Variants in NEIL1 observed in about 807,000 individuals in gnomAD.
NEIL1 encodes the protein endonuclease 8-like 1.
NEIL1 carries 31 observed loss-of-function variants against 44.2 expected under a neutral mutation model. That is an observed-to-expected ratio of 0.70 (90% confidence interval 0.53 to 0.95). NEIL1 has a LOEUF of 0.95. NEIL1 is among the 40% of genes least tolerant of loss of function. The pLI, the probability that NEIL1 is intolerant of heterozygous loss-of-function variation, is 0.00. For synonymous variants in NEIL1, 254 were observed against 209.7 expected (o/e 1.21, Z -1.83); for missense variants, 549 against 515.5 (o/e 1.07, Z -0.63).
chr15:75,348,974 C>A lies in NEIL1; in HGVS notation c.69C>A (p.Phe23Leu), dbSNP rs1567228836. 6.2e-7 allele frequency: 1 copy of A among 1,613,620 alleles called. No homozygotes were observed. Among genetic ancestry groups the A allele is most frequent in the Admixed American group, 1.7e-5 (1 of 60,036 alleles). ...ATGAGGCCTGCAGGGCGCTGGTGTTCGGCGGCTGCGTGGAGAAGTCCTCTG... is the reference window on the plus strand; with the variant it reads ...ATGAGGCCTGCAGGGCGCTGGTGTTAGGCGGCTGCGTGGAGAAGTCCTCTG... The part of the protein sequence containing the change: ...FVNEACRALV[F>L]GGCVEKSSVS... Residue 23 changes from phenylalanine to leucine, a missense_variant, in exon 2 of 10, where the codon TTC becomes TTA. Phe to Leu is a conservative substitution (Grantham distance 22). Coordinates refer to ENST00000355059, the MANE Select transcript of NEIL1 (RefSeq NM_024608.4).
intron 7 of NEIL1, 37 bp downstream of exon 7, chr15:75,354,314 A>T (rs2072175570): frequency 6.2e-7 from 1 of 1,613,600 alleles, no homozygotes; most frequent in South Asian, 1.1e-5. Flanking sequence ...AAGAGAGCAG[A>T]AAGGACTTCA....
Position 75,352,229 on chromosome 15 carries a change from C to G in NEIL1, c.553C>G (p.Arg185Gly). 2.5e-6 allele frequency: 4 copies of G among 1,614,250 alleles called. No individual in the cohort carries two copies. The highest frequency in any genetic ancestry group is 3.4e-6 in the Non-Finnish European group (4 of 1,180,046). Residue 185 changes from arginine (R) to glycine (G), a missense_variant and splice_region_variant, in exon 3 of 10, where the codon CGG becomes GGG. Transcript: ENST00000355059. ...GNYLRAEILY[R>G]LKIPPFEKAR... ...CTATCTGCGGGCAGAGATCCTGTACCGGTCAGCAAGCAGGCATGGGCATGG... is the reference window on the plus strand; with the variant it reads ...CTATCTGCGGGCAGAGATCCTGTACGGGTCAGCAAGCAGGCATGGGCATGG...
intron 5 of NEIL1, chr15:75,353,033 C>A: frequency 4.1e-6 from 1 of 244,044 alleles, no homozygotes; most frequent in Non-Finnish European, 8.1e-6. Context: ...CTCAGCTACT[C>A]GGGAGGATGA....
rs780466222 is a variant in NEIL1, at chr15:75,354,421, T to C, written c.875-10T>C. On this transcript the variant is annotated splice_polypyrimidine_tract_variant and intron_variant, in intron 7 of 9. Transcript: ENST00000355059. ...TAGGACCCTCCAACTCCAACACCAG[T>C]GTCCTGCAGGGCGCAAGTCCCGCAA... is the stretch of plus-strand genomic sequence containing the variant. The C allele has an allele frequency of 4.3e-6, 7 of 1,614,012 alleles. No individual in the cohort carries two copies. The East Asian group carries it at 6.7e-5, about 15-fold the overall frequency.
rs1316174597 is a variant in NEIL1, at chr15:75,356,442, G to C, written c.*1408G>C. On this transcript the variant is annotated 3_prime_UTR_variant, in exon 10 of 10. Transcript: ENST00000355059. The surrounding 1 kb of genome is among the most constrained non-coding windows in gnomAD (Gnocchi z 5.8). The stretch of plus-strand genomic sequence containing the variant: ...CAGCTTGGATAACGCCAGCATCCTG[G>C]AAAGAGCCTGGGGTACGACCAGGAA... 2 of 1,600,228 alleles carry C rather than the reference G, an allele frequency of 1.2e-6. No homozygotes were observed. Among genetic ancestry groups the C allele is most frequent in the Non-Finnish European group, 1.7e-6 (2 of 1,174,466 alleles).
chr15:75,350,168 G>T (rs1429760641), intron 2 of NEIL1, among the ~76,000 whole-genome samples: 1 of 152,308 alleles, frequency 6.6e-6, no homozygotes, highest in East Asian at 1.9e-4. Flanking sequence ...AGCCCCACCT[G>T]GGATGTGATG....
chr15:75,348,268 AAGCGGCCGAT>A (rs999616758), intron 1 of NEIL1: 3 of 948,830 alleles, frequency 3.2e-6, no homozygotes, highest in Non-Finnish European at 3.8e-6. Flanking sequence ...CGCTGCGGCC[AAGCGGCCGAT>A]TCGGCCGCTC....
chr15:75,356,565 G>C lies in NEIL1; in HGVS notation c.*1531G>C. ...TGGGCTCAGGGAAGGGCAGAGAGGTGTCTAGGGCTGCAGGAAGGCCCCACC... is the reference window on the plus strand; with the variant it reads ...TGGGCTCAGGGAAGGGCAGAGAGGTCTCTAGGGCTGCAGGAAGGCCCCACC... On this transcript the variant is annotated 3_prime_UTR_variant, in exon 10 of 10. Coordinates refer to ENST00000355059, the MANE Select transcript of NEIL1 (RefSeq NM_024608.4). The surrounding 1 kb of genome is among the most constrained non-coding windows in gnomAD (Gnocchi z 5.8). 1.9e-6 allele frequency: 3 copies of C among 1,551,556 alleles called. No homozygotes were observed. Among genetic ancestry groups the C allele is most frequent in the Non-Finnish European group, 2.6e-6 (3 of 1,147,110 alleles).
Position 75,356,007 on chromosome 15 carries a change from G to A in NEIL1, c.*973G>A. 1 of 1,614,050 alleles carries A rather than the reference G, an allele frequency of 6.2e-7. No individual in the cohort carries two copies. The highest frequency in any genetic ancestry group is 8.5e-7 in the Non-Finnish European group (1 of 1,179,978). On this transcript the variant is annotated 3_prime_UTR_variant, in exon 10 of 10. Transcript: ENST00000355059. The surrounding 1 kb of genome is among the most constrained non-coding windows in gnomAD (Gnocchi z 5.8). ...TCCCGAAGGGTCAAGTGGCCAGCAGGGTCTGGTCGCTCCAAGAGATCGCAG... is the reference window on the plus strand; with the variant it reads ...TCCCGAAGGGTCAAGTGGCCAGCAGAGTCTGGTCGCTCCAAGAGATCGCAG...
chr15:75,355,552 GC>G lies in NEIL1; in HGVS notation c.*521del. ...CCCTTCGGCCCCTCCCCAGCCCCAG[GC>G]CCAGGCCCTTTACCTGCTGGCACAG... On this transcript the variant is annotated 3_prime_UTR_variant, in exon 10 of 10. Transcript: ENST00000355059. The G allele has an allele frequency of 3.7e-6, 1 of 270,374 alleles. No individual in the cohort carries two copies. Among genetic ancestry groups the G allele is most frequent in the Non-Finnish European group, 7.1e-6 (1 of 140,664 alleles). The allele number at this position is 270,374 out of a possible 1,614,324, so 16.7% of individuals were successfully genotyped here.
chr15:75,352,356 C>G lies in NEIL1; in HGVS notation c.587C>G (p.Ser196Trp). Residue 196 changes from serine (S) to tryptophan (W), a missense_variant, in exon 4 of 10, where the codon TCG becomes TGG. Physicochemically the swap from Ser to Trp is radical, Grantham distance 177. Coordinates refer to ENST00000355059, the MANE Select transcript of NEIL1 (RefSeq NM_024608.4). ...LKIPPFEKAR[S>W]VLEALQQHRP... ...ATCCCCCCCTTTGAGAAGGCCCGCTCGGTCCTGGAGGCCCTGCAGCAGCAC... is the reference window on the plus strand; with the variant it reads ...ATCCCCCCCTTTGAGAAGGCCCGCTGGGTCCTGGAGGCCCTGCAGCAGCAC... The G allele has an allele frequency of 6.2e-7, 1 of 1,614,054 alleles. No homozygotes were observed. The highest frequency in any genetic ancestry group is 8.5e-7 in the Non-Finnish European group (1 of 1,180,030).
At chr15:75,354,335 G>T in intron 7 of NEIL1, 58 bp downstream of exon 7, 1 of 1,612,204 alleles carries the variant, frequency 6.2e-7, no homozygotes, top group Non-Finnish European at 8.5e-7. Flanking sequence ...CGCCTGCAAG[G>T]GCTACAGCAC....
intron 1 of NEIL1, chr15:75,348,465 T>C: frequency 9.7e-7 from 1 of 1,025,688 alleles, no homozygotes; most frequent in Non-Finnish European, 1.2e-6. Flanking sequence ...GCGGAGGGGG[T>C]GCTCCCTCAG....
In NEIL1 at chr15:75,356,745, A is replaced by T; in HGVS notation, c.*1711A>T. ...AGCTGTTGGAGTTGTGGTCGGGAAG[A>T]CCCATTTCTCCATGCCAGCTCCCAG... is the stretch of plus-strand genomic sequence containing the variant. On this transcript the variant is annotated 3_prime_UTR_variant, in exon 10 of 10. Coordinates refer to ENST00000355059, the MANE Select transcript of NEIL1 (RefSeq NM_024608.4). The surrounding 1 kb of genome is among the most constrained non-coding windows in gnomAD (Gnocchi z 5.8). 6.2e-7 allele frequency: 1 copy of T among 1,612,480 alleles called. No homozygotes were observed. The highest frequency in any genetic ancestry group is 8.5e-7 in the Non-Finnish European group (1 of 1,178,926).
In NEIL1 at chr15:75,355,843, C is replaced by T; in HGVS notation, c.*809C>T. 6.3e-7 allele frequency: 1 copy of T among 1,589,990 alleles called. No individual in the cohort carries two copies. Among genetic ancestry groups the T allele is most frequent in the Non-Finnish European group, 8.6e-7 (1 of 1,163,816 alleles). On this transcript the variant is annotated 3_prime_UTR_variant, in exon 10 of 10. Transcript: ENST00000355059. The stretch of plus-strand genomic sequence containing the variant: ...AGAAAAGACTGATCCCTGCTTTAGG[C>T]TGGGGAAGCAGAAATTAGGAGTCCC...
rs1180689498 is a variant in NEIL1 at position 75,356,768 on chromosome 15, C to T, written c.*1734C>T. On this transcript the variant is annotated 3_prime_UTR_variant, in exon 10 of 10. Coordinates refer to ENST00000355059, the MANE Select transcript of NEIL1 (RefSeq NM_024608.4). This position sits in a 1 kb window ranked among gnomAD's most constrained non-coding sequence, Gnocchi z 5.8. ...AGACCCATTTCTCCATGCCAGCTCC[C>T]AGGCCTGGTGGGTACCCCACTTACA... 1.2e-6 allele frequency: 2 copies of T among 1,613,736 alleles called. No individual in the cohort carries two copies. The highest frequency in any genetic ancestry group is 1.7e-6 in the Non-Finnish European group (2 of 1,179,796).
intron 3 of NEIL1, 45 bp downstream of exon 3, chr15:75,352,275 T>C (rs779339466): frequency 1.2e-6 from 2 of 1,614,128 alleles, no homozygotes; most frequent in East Asian, 4.5e-5. Context: ...GGGCCAGGTG[T>C]GCCCACATTC....
chr15:75,353,224 TACACACACACACAC>T (rs10653888), intron 5 of NEIL1: 2 of 162,084 alleles, frequency 1.2e-5, no homozygotes, highest in East Asian at 1.6e-4. Flanking sequence ...TATATATTTA[TACACACACACACAC>T]ACACACACAC....
chr15:75,348,234 G>A (rs2141307292), intron 1 of NEIL1: 17 of 840,364 alleles, frequency 2.0e-5, no homozygotes, highest in Non-Finnish European at 2.4e-5. Flanking sequence ...GGGGATGTCC[G>A]GTCCGTGGGG....
Sources: allele counts gnomAD v4.1 joint callset (sites outside exome capture counted in the v4.1 genomes callset), GRCh38; gene constraint gnomAD v4.1.1; non-coding constraint Gnocchi (gnomAD v3.1); transcripts MANE v1.5; gene names NCBI Gene and HGNC (gene_info 2026-07-23, HGNC 2026-07-21).